The following CTNNA2 variants were observed in gnomAD, a reference collection of about 807,000 sequenced individuals.
CTNNA2 encodes the protein catenin alpha 2.
CTNNA2 carries 42 observed loss-of-function variants against 101.0 expected under a neutral mutation model. The ratio of observed to expected loss-of-function variants is 0.42; its 90% CI spans 0.32 to 0.54. CTNNA2 has a LOEUF of 0.54. CTNNA2 is among the 20% of genes least tolerant of loss of function. CTNNA2 has a pLI of 0.14. For missense variants in CTNNA2, 871 were observed against 1,223.1 expected (o/e 0.71, Z 4.29); for synonymous variants, 450 against 456.4 (o/e 0.99, Z 0.18).
At chr2:79,239,858 G>C (rs544217076) in intron 2 of CTNNA2, among the ~76,000 whole-genome samples, 1 of 152,140 alleles carries the variant, frequency 6.6e-6, no homozygotes, top group South Asian at 2.1e-4. Flanking sequence ...TTAATGTTTA[G>C]GGCGAAAGAA....
intron 1 of CTNNA2, among the ~76,000 whole-genome samples, chr2:79,638,744 G>A (rs1481490193): frequency 6.6e-6 from 1 of 152,166 alleles, no homozygotes; most frequent in Non-Finnish European, 1.5e-5. Flanking sequence ...CAGCACATGT[G>A]TAGATTTAAC....
At chr2:79,648,409 A>C (rs903205247) in intron 1 of CTNNA2, among the ~76,000 whole-genome samples, 3 of 152,194 alleles carry the variant, frequency 2.0e-5, no homozygotes, top group Admixed American at 1.3e-4. Flanking sequence ...CCTGGAACAG[A>C]ATCTTTTTTT....
chr2:79,852,312 TAAG>T (rs1319209373), intron 3 of CTNNA2, among the ~76,000 whole-genome samples: 1 of 152,218 alleles, frequency 6.6e-6, no homozygotes, highest in African/African-American at 2.4e-5. Context: ...TTAGTTCTCT[TAAG>T]GAGCACATAT....
chr2:79,192,256 G>A (rs1673884474), intron 1 of CTNNA2, among the ~76,000 whole-genome samples: 2 of 152,094 alleles, frequency 1.3e-5, no homozygotes, highest in Non-Finnish European at 2.9e-5. Context: ...TGTTCACTTG[G>A]TCAGGGGAAT....
At chr2:80,397,510 G>C (rs530896945) in intron 8 of CTNNA2, among the ~76,000 whole-genome samples, 2 of 152,178 alleles carry the variant, frequency 1.3e-5, no homozygotes, top group South Asian at 2.1e-4. Flanking sequence ...GGTCTTTCCC[G>C]TGCCATTCTT....
At chr2:80,171,874 G>A (rs905484590) in intron 7 of CTNNA2, among the ~76,000 whole-genome samples, 1 of 152,180 alleles carries the variant, frequency 6.6e-6, no homozygotes, top group African/African-American at 2.4e-5. Flanking sequence ...AGGCTAGCAG[G>A]AGACAATTTA....
At chr2:79,462,540 G>C (rs1359695269) in intron 4 of CTNNA2, among the ~76,000 whole-genome samples, 3 of 152,210 alleles carry the variant, frequency 2.0e-5, no homozygotes, top group Non-Finnish European at 4.4e-5. Context: ...TAGATTCAGA[G>C]AAGCAGCCAG....
intron 7 of CTNNA2, among the ~76,000 whole-genome samples, chr2:80,111,217 G>T (rs565633412): frequency 1.3e-5 from 2 of 152,262 alleles, no homozygotes; most frequent in South Asian, 4.1e-4. Context: ...TTTGAGTGGG[G>T]ACACAGCCAA....
At chr2:79,804,455 G>T (rs550995515) in intron 3 of CTNNA2, among the ~76,000 whole-genome samples, 17 of 152,084 alleles carry the variant, frequency 1.1e-4, no homozygotes, top group Non-Finnish European at 2.4e-4. Flanking sequence ...TATAATAAAA[G>T]AAAATATATA....
chr2:79,631,892 G>A (rs1430721299), intron 1 of CTNNA2, among the ~76,000 whole-genome samples: 2 of 152,120 alleles, frequency 1.3e-5, no homozygotes, highest in African/African-American at 4.8e-5. Context: ...AGTTCTAGGT[G>A]AATTATGACT....
intron 3 of CTNNA2, among the ~76,000 whole-genome samples, chr2:79,341,895 A>G (rs1677146288): frequency 6.6e-6 from 1 of 152,186 alleles, no homozygotes; most frequent in Non-Finnish European, 1.5e-5. Flanking sequence ...GGTCTGACCT[A>G]GGAGTCTGAT....
intron 1 of CTNNA2, chr2:79,574,008 T>C (rs1040677364): frequency 1.2e-5 from 2 of 172,036 alleles, no homozygotes; most frequent in Non-Finnish European, 2.6e-5. Context: ...AACCCGGTCA[T>C]TGAAAATTGT....
intron 18 of CTNNA2, among the ~76,000 whole-genome samples, chr2:80,632,846 A>G (rs1217316423): frequency 6.6e-6 from 1 of 152,198 alleles, no homozygotes; most frequent in Non-Finnish European, 1.5e-5. Flanking sequence ...CAAGTATTTT[A>G]TTTTCTCACT....
chr2:79,573,078 C>T (rs571971106), intron 1 of CTNNA2, among the ~76,000 whole-genome samples: 43 of 152,072 alleles, frequency 2.8e-4, no homozygotes, highest in South Asian at 4.1e-4. Context: ...TCCTCCATAC[C>T]GCTTATGAAC....
At chr2:79,839,302 A>G (rs1679622815) in intron 3 of CTNNA2, among the ~76,000 whole-genome samples, 2 of 151,868 alleles carry the variant, frequency 1.3e-5, no homozygotes, top group African/African-American at 4.8e-5. Flanking sequence ...ATAATTTTTT[A>G]TTGTGTTGTG....
chr2:80,293,122 C>T (rs529271221), intron 7 of CTNNA2, among the ~76,000 whole-genome samples: 3 of 152,180 alleles, frequency 2.0e-5, no homozygotes, highest in Non-Finnish European at 4.4e-5. Context: ...GGAGCAGAGA[C>T]AGTGAGGCAA....
chr2:79,909,492 G>T, intron 6 of CTNNA2, 102 bp from the exon 7 acceptor site: 1 of 880,494 alleles, frequency 1.1e-6, no homozygotes, highest in Non-Finnish European at 1.7e-6. Context: ...CCTCCTTGGG[G>T]ACTCCTGTTC....
At chr2:79,553,843 G>A (rs1374760670) in intron 1 of CTNNA2, among the ~76,000 whole-genome samples, 1 of 152,066 alleles carries the variant, frequency 6.6e-6, no homozygotes, top group South Asian at 2.1e-4. Flanking sequence ...AAATATCTTG[G>A]GGCTCACAAA....
intron 7 of CTNNA2, among the ~76,000 whole-genome samples, chr2:80,142,635 G>A (rs1703084495): frequency 6.6e-6 from 1 of 152,150 alleles, no homozygotes; most frequent in African/African-American, 2.4e-5. Context: ...ATGCATATGA[G>A]CAATGAGGCC....
Sources: allele counts gnomAD v4.1 joint callset (sites outside exome capture counted in the v4.1 genomes callset), GRCh38; gene constraint gnomAD v4.1.1; transcripts MANE v1.5; gene names NCBI Gene and HGNC (gene_info 2026-07-23, HGNC 2026-07-21).